Variants in SMURF1 observed in about 807,000 individuals in gnomAD.
The protein encoded by SMURF1 is SMAD specific E3 ubiquitin protein ligase 1.
Under a neutral mutation model 98.0 loss-of-function variants are expected in SMURF1, and 44 were observed. The ratio of observed to expected loss-of-function variants is 0.45; its 90% CI spans 0.35 to 0.58. The LOEUF (loss-of-function observed/expected upper bound fraction) is 0.58. Among genes scored for constraint, SMURF1 ranks in the 20% least tolerant of loss-of-function variants. The pLI is 0.00. For synonymous variants in SMURF1, 396 were observed against 374.9 expected, an observed-to-expected ratio of 1.06 and a Z score of -0.65; for missense variants, 687 against 938.4, an observed-to-expected ratio of 0.73 and a Z score of 3.50.
At chr7:99,105,996 A>C (rs933771404) in intron 1 of SMURF1, among the ~76,000 whole-genome samples, 1 of 152,198 alleles carries the variant, frequency 6.6e-6, no homozygotes, top group Admixed American at 6.5e-5. Context: ...TGCCAGGCCA[A>C]GTTCACATGC....
intron 15 of SMURF1, 140 bp from the exon 16 acceptor site, chr7:99,035,856 C>G: frequency 1.3e-6 from 1 of 799,224 alleles, no homozygotes; most frequent in Admixed American, 2.5e-5. Flanking sequence ...GATGTTGAGA[C>G]AGGAAGAAAG....
rs1794832752 is a variant in SMURF1, at chr7:99,030,438, C to A, written c.*146G>T. ...ACCAACAAAAGTCCCCCATCCCCCT[C>A]CCCCAACAGAAAGGAGAGAGACAAC... On this transcript the variant is annotated 3_prime_UTR_variant, in exon 18 of 18. Transcript: ENST00000361368. 1.8e-5 allele frequency: 12 copies of A among 685,226 alleles called. No individual in the cohort carries two copies. The South Asian group carries it at 2.2e-4, about 12-fold the overall frequency. 42.4% of individuals were successfully genotyped at this position (685,226 alleles called of 1,614,324 possible).
chr7:99,063,245 A>T (rs868329561), intron 1 of SMURF1, among the ~76,000 whole-genome samples: 197 of 2,204 alleles, frequency 0.089, 1 homozygote, highest in African/African-American at 0.14. Context: ...ATTTATTTAT[A>T]TATATATATA....
intron 1 of SMURF1, among the ~76,000 whole-genome samples, chr7:99,107,526 C>T (rs1235533594): frequency 6.6e-6 from 1 of 152,134 alleles, no homozygotes; most frequent in Non-Finnish European, 1.5e-5. Flanking sequence ...CCTTAAGATC[C>T]AGACTCATGA....
At chr7:99,047,583 T>C in intron 10 of SMURF1, 101 bp downstream of exon 10, 7 of 1,264,704 alleles carry the variant, frequency 5.5e-6, no homozygotes, top group Non-Finnish European at 7.9e-6. Context: ...AAGCAGTTCA[T>C]TTAAAGCAGC....
rs200126952 is a variant in SMURF1, at chr7:99,140,279, TC to T, written c.55+3446del. Among the ~76,000 whole-genome samples the T allele has an allele frequency of 1.7e-3, 214 of 122,372 alleles. 2 individuals carry two copies. The highest frequency in any genetic ancestry group is 5.9e-3 in the African/African-American group (206 of 34,694). 80.3% of individuals were successfully genotyped at this position (122,372 alleles called of 152,430 possible). On this transcript the variant is annotated intron_variant, in intron 1 of 17. Coordinates refer to ENST00000361368, the MANE Select transcript of SMURF1 (RefSeq NM_181349.3). ...AGTTCTAAATGTAGTATCTTCAGTA[TC>T]CTTTTTTTTTTTTTTTTTTTTTTTG...
chr7:99,103,282 A>G (rs534615541), intron 1 of SMURF1, among the ~76,000 whole-genome samples: 2 of 152,312 alleles, frequency 1.3e-5, no homozygotes, highest in South Asian at 4.1e-4. Context: ...GCCTGTGTTC[A>G]TACACATGTG....
chr7:99,031,021 A>G (rs1220511792), intron 17 of SMURF1: 2 of 198,422 alleles, frequency 1.0e-5, no homozygotes, highest in East Asian at 1.3e-4. Context: ...GGCCTTCACA[A>G]CCAAAACATA....
intron 1 of SMURF1, among the ~76,000 whole-genome samples, chr7:99,114,527 A>G (rs1195809666): frequency 6.6e-6 from 1 of 152,206 alleles, no homozygotes; most frequent in Non-Finnish European, 1.5e-5. Context: ...AAACTAACAA[A>G]ATTGAGGGAG....
At chr7:99,141,236 G>A (rs990970483) in intron 1 of SMURF1, among the ~76,000 whole-genome samples, 5 of 152,230 alleles carry the variant, frequency 3.3e-5, no homozygotes, top group Admixed American at 1.3e-4. Flanking sequence ...GGTAGGAGGA[G>A]AAACCAAGTC....
At chr7:99,119,047 A>T (rs1797532270) in intron 1 of SMURF1, among the ~76,000 whole-genome samples, 1 of 99,030 alleles carries the variant, frequency 1.0e-5, no homozygotes, top group African/African-American at 4.3e-5. Flanking sequence ...TTTTTTTTAG[A>T]GACAGGGTCT....
chr7:99,090,547 TG>T (rs1489627837), intron 1 of SMURF1, among the ~76,000 whole-genome samples: 1 of 152,028 alleles, frequency 6.6e-6, no homozygotes, highest in African/African-American at 2.4e-5. Context: ...AGAGAGAAAA[TG>T]TATTACATTT....
rs558587022 is a variant in SMURF1 at position 99,038,393 on chromosome 7, G to A, written c.1683C>T (p.Tyr561=). ...VPVTEENKKE[Y]VRLYVNWRFM... is the part of the protein sequence containing the mutation. The stretch of plus-strand genomic sequence containing the variant: ...TCCCCGACAGGTGGCATTACCGGAC[G>A]TATTCTTTCTTATTCTCCTCTGTGA... Residue 561 remains tyrosine, a synonymous_variant, in exon 14 of 18, where the codon TAC becomes TAT. Transcript: ENST00000361368. The A allele has an allele frequency of 2.6e-5, 42 of 1,614,026 alleles. No homozygotes were observed. The East Asian group carries it at 3.1e-4, about 12-fold the overall frequency.
Position 99,033,125 on chromosome 7 carries a change from A to G in SMURF1, c.2012-4T>C, listed in dbSNP as rs914164045. On this transcript the variant is annotated splice_polypyrimidine_tract_variant and splice_region_variant and intron_variant, in intron 16 of 17. Coordinates refer to ENST00000361368, the MANE Select transcript of SMURF1 (RefSeq NM_181349.3). ...GGCCCTGCCGCGCCTGTAGAACCTTACAAGACAACATTCTAGTTAATGTAC... is the reference window on the plus strand; with the variant it reads ...GGCCCTGCCGCGCCTGTAGAACCTTGCAAGACAACATTCTAGTTAATGTAC... The G allele has an allele frequency of 6.4e-7, 1 of 1,568,974 alleles. No homozygotes were observed. Among genetic ancestry groups the G allele is most frequent in the Admixed American group, 1.9e-5 (1 of 53,406 alleles).
intron 1 of SMURF1, among the ~76,000 whole-genome samples, chr7:99,100,370 C>A (rs1797050887): frequency 1.3e-5 from 2 of 152,200 alleles, no homozygotes; most frequent in Non-Finnish European, 2.9e-5. Context: ...GCCTGGCCAA[C>A]ATGGTGAAAC....
rs200599641 is a variant in SMURF1, at chr7:99,047,667, G to T, written c.1152+17C>A. The stretch of plus-strand genomic sequence containing the variant: ...TGTTTCTGAACAGGGTCTGGGCAGT[G>T]GCCCTGAACTCTCTACCTCAAAGAT... On this transcript the variant is annotated intron_variant, in intron 10 of 17. Coordinates refer to ENST00000361368, the MANE Select transcript of SMURF1 (RefSeq NM_181349.3). The T allele has an allele frequency of 1.8e-5, 29 of 1,613,412 alleles. No homozygotes were observed. Among genetic ancestry groups the T allele is most frequent in the African/African-American group, 2.7e-5 (2 of 75,048 alleles).
intron 1 of SMURF1, among the ~76,000 whole-genome samples, chr7:99,063,264 T>A (rs1563012713): frequency 4.3e-5 from 3 of 69,128 alleles, no homozygotes; most frequent in Admixed American, 2.6e-4. Flanking sequence ...TATATATATA[T>A]ATATATATAT....
intron 1 of SMURF1, among the ~76,000 whole-genome samples, chr7:99,127,893 C>T (rs951464689): frequency 1.3e-5 from 2 of 152,118 alleles, no homozygotes; most frequent in Admixed American, 6.5e-5. Context: ...ATATAAACAA[C>T]GCTACTACAT....
At chr7:99,046,011 G>A (rs1795560261) in intron 10 of SMURF1, among the ~76,000 whole-genome samples, 1 of 151,782 alleles carries the variant, frequency 6.6e-6, no homozygotes, top group South Asian at 2.1e-4. Flanking sequence ...AAACAAACAC[G>A]ATGCCAGGAA....
Sources: gnomAD v4.1 joint callset for allele counts (sites outside exome capture counted in the v4.1 genomes callset) on GRCh38, gnomAD v4.1.1 for gene constraint, MANE v1.5 for transcripts, NCBI Gene and HGNC (gene_info 2026-07-23, HGNC 2026-07-21) for gene names.